NBEA: variants seen among roughly 807,000 people sequenced by gnomAD.
The protein encoded by NBEA is neurobeachin.
In NBEA, 44 loss-of-function variants were observed where a neutral mutation model predicts 343.4. That is an observed-to-expected ratio of 0.13 (90% CI 0.10 to 0.16). The LOEUF (loss-of-function observed/expected upper bound fraction) is 0.16, where lower values mean the gene tolerates loss of function less well. NBEA is among the 10% of genes least tolerant of loss of function. NBEA has a pLI of 1.00. For synonymous variants in NBEA, 1,175 were observed against 1,238.7 expected (o/e 0.95, Z 1.08); for missense variants, 2,555 against 3,631.3 (o/e 0.70, Z 7.62).
Position 35,349,382 on chromosome 13 carries a change from A to G in NBEA, c.6012+166A>G, listed in dbSNP as rs7998853. Among the ~76,000 whole-genome samples, 755 of 152,162 alleles carry G rather than the reference A, an allele frequency of 5.0e-3. 8 individuals are homozygous for G. The highest frequency in any genetic ancestry group is 0.017 in the African/African-American group (706 of 41,530). On this transcript the variant is annotated intron_variant, in intron 37 of 58. Coordinates refer to ENST00000379939, the MANE Select transcript of NBEA (RefSeq NM_001385012.1). ...TAAATGTCAAACAGAGTACTAATAT[A>G]TTTTCACCCCATTTACAGCATGAAA...
At chr13:35,638,010 G>A (rs1475101360) in intron 49 of NBEA, among the ~76,000 whole-genome samples, 1 of 152,118 alleles carries the variant, frequency 6.6e-6, no homozygotes. Flanking sequence ...AAACAAGCCA[G>A]TCACAAAAAG....
At chr13:35,631,568 A>G (rs909341916) in intron 49 of NBEA, among the ~76,000 whole-genome samples, 1 of 150,650 alleles carries the variant, frequency 6.6e-6, no homozygotes, top group Non-Finnish European at 1.5e-5. Context: ...GGATTTTTTC[A>G]TGCTTAAATT....
chr13:35,253,482 GC>G (rs1641062022), intron 34 of NBEA, among the ~76,000 whole-genome samples: 1 of 152,186 alleles, frequency 6.6e-6, no homozygotes, highest in Non-Finnish European at 1.5e-5. Flanking sequence ...GAATTGTGTG[GC>G]TTGCTTTATC....
At chr13:35,324,963 G>T (rs1363683593) in intron 36 of NBEA, among the ~76,000 whole-genome samples, 2 of 152,078 alleles carry the variant, frequency 1.3e-5, no homozygotes, top group Non-Finnish European at 2.9e-5. Flanking sequence ...ATTATCTAAT[G>T]AAGCAAATGT....
intron 33 of NBEA, among the ~76,000 whole-genome samples, chr13:35,211,941 T>A (rs2073802560): frequency 6.6e-6 from 1 of 152,130 alleles, no homozygotes; most frequent in Non-Finnish European, 1.5e-5. Flanking sequence ...CTGTCATGAT[T>A]AAAGACCATT....
At chr13:35,440,815 G>A (rs1402331475) in intron 39 of NBEA, among the ~76,000 whole-genome samples, 1 of 151,308 alleles carries the variant, frequency 6.6e-6, no homozygotes, top group African/African-American at 2.5e-5. Context: ...TTACTCTACA[G>A]TGTGTTGTAG....
At chr13:35,546,584 G>A (rs1350071132) in intron 41 of NBEA, among the ~76,000 whole-genome samples, 2 of 146,422 alleles carry the variant, frequency 1.4e-5, no homozygotes, top group South Asian at 4.3e-4. Context: ...ACGGAATCTT[G>A]CTCTGTCACC....
At position 35,117,488 on chromosome 13, in the gene NBEA, C is replaced by T; in HGVS notation, c.2077C>T (p.Leu693=). 1.5e-6 allele frequency: 2 copies of T among 1,300,058 alleles called. No individual in the cohort carries two copies. The highest frequency in any genetic ancestry group is 2.0e-6 in the Non-Finnish European group (2 of 998,314). 80.5% of individuals were successfully genotyped at this position (1,300,058 alleles called of 1,614,324 possible). The change falls in exon 14 of 59, where the codon CTA becomes TTA. Residue 693 remains leucine (L), a synonymous_variant. Transcript: ENST00000379939. ...GCTACTTTTTCTGAAACAGCTGATACTAAAGGTAAAATAATTTTATATAAT... is the reference window on the plus strand; with the variant it reads ...GCTACTTTTTCTGAAACAGCTGATATTAAAGGTAAAATAATTTTATATAAT... The part of the protein sequence containing the change: ...FMLLFLKQLI[L]KDRGVKEDEL...
chr13:35,033,370 G>GT (rs1566188584), intron 1 of NBEA, among the ~76,000 whole-genome samples: 1 of 151,840 alleles, frequency 6.6e-6, no homozygotes, highest in African/African-American at 2.4e-5. Flanking sequence ...CTCTGTGTCT[G>GT]TTTTTATGCC....
intron 34 of NBEA, among the ~76,000 whole-genome samples, chr13:35,259,972 C>T (rs1435830144): frequency 1.3e-5 from 2 of 152,190 alleles, no homozygotes; most frequent in Non-Finnish European, 2.9e-5. Context: ...CATTGACAAT[C>T]AGTGCTTTAA....
chr13:35,514,415 G>A (rs149498423), intron 41 of NBEA, among the ~76,000 whole-genome samples: 351 of 152,128 alleles, frequency 2.3e-3, no homozygotes, highest in East Asian at 0.015. Flanking sequence ...ACTGCACGCC[G>A]ACCAGCTTGT....
chr13:35,474,235 A>T, intron 41 of NBEA: 1 of 152,754 alleles, frequency 6.5e-6, no homozygotes, highest in Middle Eastern at 3.4e-3. Context: ...CCATCTAATT[A>T]AATAAAAACC....
In NBEA at chr13:35,446,141, T is replaced by C. The variant is rs566728299; in HGVS notation, c.6305-5951T>C. Among the ~76,000 whole-genome samples the C allele has an allele frequency of 3.9e-5, 6 of 152,212 alleles. No individual in the cohort carries two copies. In the South Asian group the frequency reaches 6.2e-4, roughly 16 times the overall value. On this transcript the variant is annotated intron_variant, in intron 39 of 58. Coordinates refer to ENST00000379939, the MANE Select transcript of NBEA (RefSeq NM_001385012.1). ...TTCATCCATGTCCCTACAAAGGACA[T>C]GAACTCATCCTTTTTTATGGCTGCA...
Position 35,671,061 on chromosome 13 carries a change from T to C in NBEA, c.*70T>C. ...GTGCTGCATGGAAAGGCAATATCTC[T>C]GGTGGAAAAAACTCGTCTACATCGA... On this transcript the variant is annotated 3_prime_UTR_variant, in exon 59 of 59. Transcript: ENST00000379939. 8.5e-7 allele frequency: 1 copy of C among 1,178,130 alleles called. No homozygotes were observed. Among genetic ancestry groups the C allele is most frequent in the East Asian group, 2.5e-5 (1 of 39,234 alleles). The allele number at this position is 1,178,130 out of a possible 1,614,324, so 73.0% of individuals were successfully genotyped here.
At chr13:35,079,787 G>A (rs1032906561) in intron 10 of NBEA, among the ~76,000 whole-genome samples, 2 of 152,042 alleles carry the variant, frequency 1.3e-5, no homozygotes, top group East Asian at 3.9e-4. Flanking sequence ...CTAGAAAGTA[G>A]GTTAGGTCAC....
chr13:35,046,789 A>T (rs1315136228), intron 4 of NBEA, among the ~76,000 whole-genome samples: 2 of 152,094 alleles, frequency 1.3e-5, no homozygotes, highest in Admixed American at 6.6e-5. Context: ...ACTGTGGTTG[A>T]CCATGGGTAA....
At chr13:35,530,148 G>A (rs746001364) in intron 41 of NBEA, among the ~76,000 whole-genome samples, 13 of 152,188 alleles carry the variant, frequency 8.5e-5, no homozygotes, top group Non-Finnish European at 1.5e-4. Flanking sequence ...CATGGATTGC[G>A]TGTGTTAGTA....
chr13:35,536,629 C>A (rs1006479329), intron 41 of NBEA, among the ~76,000 whole-genome samples: 3 of 147,648 alleles, frequency 2.0e-5, no homozygotes, highest in Non-Finnish European at 4.5e-5. Flanking sequence ...AAACTGGCTT[C>A]GTAAAAAATA....
chr13:35,219,448 G>T (rs755077746), intron 33 of NBEA, among the ~76,000 whole-genome samples: 2 of 152,122 alleles, frequency 1.3e-5, no homozygotes, highest in Non-Finnish European at 2.9e-5. Flanking sequence ...CTCCAGTAGG[G>T]CATGAGAATT....
Sources: allele counts gnomAD v4.1 joint callset (sites outside exome capture counted in the v4.1 genomes callset), GRCh38; gene constraint gnomAD v4.1.1; transcripts MANE v1.5; gene names NCBI Gene and HGNC (gene_info 2026-07-23, HGNC 2026-07-21).